Variants in KIF1A observed in about 807,000 individuals in gnomAD.
KIF1A encodes the protein kinesin-like protein KIF1A.
KIF1A carries 46 observed loss-of-function variants against 227.3 expected under a neutral mutation model. That is an observed-to-expected ratio of 0.20 (90% CI 0.16 to 0.26). KIF1A has a LOEUF of 0.26. Among genes scored for constraint, KIF1A ranks in the 10% least tolerant of loss-of-function variants. The pLI, the probability that KIF1A is intolerant of heterozygous loss-of-function variation, is 1.00. For synonymous variants in KIF1A, 1,022 were observed against 1,012.8 expected (o/e 1.01, Z -0.17); for missense variants, 1,683 against 2,485.9 (o/e 0.68, Z 6.87).
rs1454271542 is a variant in KIF1A at position 240,766,749 on chromosome 2, T to TCTCTCTCTCTCACA, written c.1684+165_1684+166insTGTGAGAGAGAGAG. Among the ~76,000 whole-genome samples the TCTCTCTCTCTCACA allele has an allele frequency of 6.2e-3, 671 of 108,944 alleles. 9 individuals carry two copies. The highest frequency in any genetic ancestry group is 0.018 in the African/African-American group (432 of 24,106). 71.5% of individuals were successfully genotyped at this position (108,944 alleles called of 152,430 possible). A position where few individuals can be genotyped will look rare whatever the true frequency, so the allele number is the denominator to read the frequency against. ...CTCTCTCTCTCTCTCTCTCTCTCTC[T>TCTCTCTCTCTCACA]CACACACACACACACACACACACAC... On this transcript the variant is annotated intron_variant, in intron 19 of 48. Coordinates refer to ENST00000498729, the MANE Select transcript of KIF1A (RefSeq NM_001244008.2). The surrounding 1 kb of genome is among the most constrained non-coding windows in gnomAD (Gnocchi z 5.0).
At position 240,758,604 on chromosome 2, in the gene KIF1A, C is replaced by A. The variant is rs997701623; in HGVS notation, c.2445-107G>T. The A allele has an allele frequency of 2.1e-5, 25 of 1,195,226 alleles. 2 individuals carry two copies. The South Asian group carries it at 4.5e-4, about 21-fold the overall frequency. The allele number at this position is 1,195,226 out of a possible 1,614,324, so 74.0% of individuals were successfully genotyped here. A position where few individuals can be genotyped will look rare whatever the true frequency, so the allele number is the denominator to read the frequency against. On this transcript the variant is annotated intron_variant, in intron 25 of 48. Transcript: ENST00000498729. The surrounding 1 kb of genome is among the most constrained non-coding windows in gnomAD (Gnocchi z 5.2). ...GTGGGCTCAGCCTAGCTCTGGCCACCACATCCAGCTCAGGGTCATCAAGGT... is the reference window on the plus strand; with the variant it reads ...GTGGGCTCAGCCTAGCTCTGGCCACAACATCCAGCTCAGGGTCATCAAGGT...
chr2:240,719,000 C>A lies in KIF1A; in HGVS notation c.5214+6G>T. The A allele has an allele frequency of 6.3e-7, 1 of 1,597,546 alleles. No homozygotes were observed. Among genetic ancestry groups the A allele is most frequent in the Non-Finnish European group, 8.6e-7 (1 of 1,168,166 alleles). The stretch of plus-strand genomic sequence containing the variant: ...GTGCCCGAGCCTGAGCCGGGCCCAG[C>A]CGCACCTTGAGCATAGCCTGCTGGT... On this transcript the variant is annotated splice_donor_region_variant and intron_variant, in intron 47 of 48. Coordinates refer to ENST00000498729, the MANE Select transcript of KIF1A (RefSeq NM_001244008.2).
chr2:240,737,102 A>T lies in KIF1A; in HGVS notation c.3968T>A (p.Ile1323Asn), dbSNP rs775566341. 9.9e-6 allele frequency: 16 copies of T among 1,613,440 alleles called. No homozygotes were observed. Among genetic ancestry groups the T allele is most frequent in the Non-Finnish European group, 1.7e-6 (2 of 1,179,654 alleles). The change falls in exon 38 of 49, where the codon ATC (isoleucine) becomes AAC (asparagine). Residue 1323 changes from isoleucine to asparagine, a missense_variant. Ile to Asn is a moderately radical substitution (Grantham distance 149). This residue lies in a region of KIF1A where 759 missense variants were observed against 1,020.2 expected (regional missense o/e 0.74). Transcript: ENST00000498729. ...LIDPNILSLN[I>N]LSSGYIHPAQ... The stretch of plus-strand genomic sequence containing the variant: ...TGGGTGGATGTATCCGGAAGAGAGG[A>T]TGTTGAGAGACAAGATGTTGGGGTC...
Position 240,750,412 on chromosome 2 carries a change from C to T in KIF1A, c.2977+17G>A, listed in dbSNP as rs1208428775. The T allele has an allele frequency of 1.3e-6, 2 of 1,595,752 alleles. No homozygotes were observed. The highest frequency in any genetic ancestry group is 2.2e-5 in the East Asian group (1 of 44,774). Reference sequence around the variant, plus strand: ...CAGGGGCTCCAATGCCACACACGGCCTTTGGCCCACACGCACCTGAGATGG... The same window carrying T: ...CAGGGGCTCCAATGCCACACACGGCTTTTGGCCCACACGCACCTGAGATGG... On this transcript the variant is annotated intron_variant, in intron 28 of 48. Transcript: ENST00000498729.
At position 240,722,445 on chromosome 2, in the gene KIF1A, G is replaced by A; in HGVS notation, c.4665+11C>T. 6.5e-7 allele frequency: 1 copy of A among 1,545,508 alleles called. No individual in the cohort carries two copies. The highest frequency in any genetic ancestry group is 8.7e-7 in the Non-Finnish European group (1 of 1,146,528). The stretch of plus-strand genomic sequence containing the variant: ...GGGGCTACGGCTGTACTGCCCACCA[G>A]CTGGACCCACCTTGACGGCCAGCTC... On this transcript the variant is annotated intron_variant, in intron 43 of 48. Coordinates refer to ENST00000498729, the MANE Select transcript of KIF1A (RefSeq NM_001244008.2).
chr2:240,721,085 C>T (rs577834811), intron 44 of KIF1A, 47 bp from the exon 45 acceptor site: 56 of 1,604,724 alleles, frequency 3.5e-5, no homozygotes, highest in Admixed American at 1.2e-4. Flanking sequence ...AGGGGGGTCT[C>T]CGGCCTCTGT....
rs567112935 is a variant in KIF1A at position 240,758,434 on chromosome 2, G to T, written c.2508C>A (p.Ile836=). 2 of 1,612,166 alleles carry T rather than the reference G, an allele frequency of 1.2e-6. No individual in the cohort carries two copies. Among genetic ancestry groups the T allele is most frequent in the Non-Finnish European group, 8.5e-7 (1 of 1,179,068 alleles). The change falls in exon 26 of 49, where the codon ATC becomes ATA. Residue 836 remains isoleucine, a synonymous_variant. Transcript: ENST00000498729. The surrounding 1 kb of genome is among the most constrained non-coding windows in gnomAD (Gnocchi z 5.2). Reference sequence around the variant, plus strand: ...CGGTCACCACGTTGTCACAGTCCTCGATGACACTGGAGGGCACCTCTGCAG... The same window carrying T: ...CGGTCACCACGTTGTCACAGTCCTCTATGACACTGGAGGGCACCTCTGCAG... ...DRAAEVPSSV[I]EDCDNVVTGG...
At position 240,766,878 on chromosome 2, in the gene KIF1A, G is replaced by A. The variant is rs777731903; in HGVS notation, c.1684+37C>T. Reference sequence around the variant, plus strand: ...TCAGGCCTGATCATCACGGCACAGGGGCATGGGTGCGGGTAGGGACGGTAG... The same window carrying A: ...TCAGGCCTGATCATCACGGCACAGGAGCATGGGTGCGGGTAGGGACGGTAG... On this transcript the variant is annotated intron_variant, in intron 19 of 48. Transcript: ENST00000498729. This position sits in a 1 kb window ranked among gnomAD's most constrained non-coding sequence, Gnocchi z 5.0. 16 of 1,439,252 alleles carry A rather than the reference G, an allele frequency of 1.1e-5. No homozygotes were observed. Among genetic ancestry groups the A allele is most frequent in the Non-Finnish European group, 1.4e-5 (15 of 1,037,456 alleles). 89.2% of individuals were successfully genotyped at this position (1,439,252 alleles called of 1,614,324 possible).
At position 240,778,379 on chromosome 2, in the gene KIF1A, G is replaced by A. The variant is rs977817823; in HGVS notation, c.883-2453C>T. 6.6e-6 allele frequency among the ~76,000 whole-genome samples: 1 copy of A among 151,758 alleles called. No individual in the cohort carries two copies. The highest frequency in any genetic ancestry group is 1.5e-5 in the Non-Finnish European group (1 of 67,958). ...CCGTCCCTGACACACTCGCTCTCAC[G>A]GTTCCTCACAGCTCCAGAGAAACTT... is the stretch of plus-strand genomic sequence containing the variant. On this transcript the variant is annotated intron_variant, in intron 10 of 48. Transcript: ENST00000498729. This position sits in a 1 kb window ranked among gnomAD's most constrained non-coding sequence, Gnocchi z 7.2.
At chr2:240,784,333 A>G (rs1051778384) in intron 7 of KIF1A, among the ~76,000 whole-genome samples, 2 of 152,200 alleles carry the variant, frequency 1.3e-5, no homozygotes, top group Non-Finnish European at 2.9e-5. Flanking sequence ...CTCCTGAGCC[A>G]TAGCTACAGG....
In KIF1A at chr2:240,769,212, G is replaced by C. The variant is rs1232884429; in HGVS notation, c.1422-4C>G. 6.2e-7 allele frequency: 1 copy of C among 1,606,220 alleles called. No individual in the cohort carries two copies. Among genetic ancestry groups the C allele is most frequent in the Non-Finnish European group, 8.5e-7 (1 of 1,176,850 alleles). ...CATCTCGGCCAGCAGGGCTTCCCTG[G>C]GGGAACAGAGCTGAGGTCAGCACAA... On this transcript the variant is annotated splice_region_variant and splice_polypyrimidine_tract_variant and intron_variant, in intron 16 of 48. Transcript: ENST00000498729.
intron 24 of KIF1A, among the ~76,000 whole-genome samples, 180 bp from the exon 25 acceptor site, chr2:240,761,023 G>A (rs1024392410): frequency 6.6e-5 from 10 of 152,228 alleles, no homozygotes; most frequent in Middle Eastern, 3.4e-3. Context: ...CCCGGCCGCC[G>A]TCTCCCGTGA....
At chr2:240,807,130 G>GTGTGTATATATATATATATATATA (rs1356399506) in intron 1 of KIF1A, among the ~76,000 whole-genome samples, 3 of 119,492 alleles carry the variant, frequency 2.5e-5, no homozygotes, top group South Asian at 3.1e-4. Flanking sequence ...GTGTGTGTGT[G>GTGTGTATATATATATATATATATA]TATATATATA....
At chr2:240,772,222 T>C (rs1416351752) in intron 14 of KIF1A, among the ~76,000 whole-genome samples, 1 of 152,190 alleles carries the variant, frequency 6.6e-6, no homozygotes, top group Non-Finnish European at 1.5e-5. Context: ...GCTGATATCC[T>C]GACCTTCGCA....
At position 240,758,613 on chromosome 2, in the gene KIF1A, C is replaced by T; in HGVS notation, c.2445-116G>A. 2 of 1,113,550 alleles carry T rather than the reference C, an allele frequency of 1.8e-6. No individual in the cohort carries two copies. The highest frequency in any genetic ancestry group is 1.2e-6 in the Non-Finnish European group (1 of 833,892). The allele number at this position is 1,113,550 out of a possible 1,614,324, so 69.0% of individuals were successfully genotyped here. ...GCCTAGCTCTGGCCACCACATCCAGCTCAGGGTCATCAAGGTCCAGGGGGC... is the reference window on the plus strand; with the variant it reads ...GCCTAGCTCTGGCCACCACATCCAGTTCAGGGTCATCAAGGTCCAGGGGGC... On this transcript the variant is annotated intron_variant, in intron 25 of 48. Transcript: ENST00000498729. This position sits in a 1 kb window ranked among gnomAD's most constrained non-coding sequence, Gnocchi z 5.2.
At chr2:240,734,617 A>C in intron 38 of KIF1A, 4 of 754,762 alleles carry the variant, frequency 5.3e-6, no homozygotes, top group Non-Finnish European at 8.2e-6. Context: ...AGGAAGCTGG[A>C]AGTTAACTTC....
chr2:240,787,745 C>A (rs1188600281), intron 4 of KIF1A, among the ~76,000 whole-genome samples: 2 of 152,304 alleles, frequency 1.3e-5, no homozygotes, highest in African/African-American at 4.8e-5. Context: ...ACACTGCCAG[C>A]CCTCACACCT....
intron 1 of KIF1A, among the ~76,000 whole-genome samples, chr2:240,798,319 GA>G (rs2126151898): frequency 6.6e-6 from 1 of 152,390 alleles, no homozygotes; most frequent in South Asian, 2.1e-4. Context: ...GAATTAGCAA[GA>G]AAGAACTTTA....
At chr2:240,779,565 CTCAGTTCCTCAG>C (rs1559521129) in intron 10 of KIF1A, among the ~76,000 whole-genome samples, 5 of 151,240 alleles carry the variant, frequency 3.3e-5, no homozygotes, top group African/African-American at 1.2e-4. Context: ...CAGTTCCTCA[CTCAGTTCCTCAG>C]TTCCTCACTC....
Sources: allele counts gnomAD v4.1 joint callset (sites outside exome capture counted in the v4.1 genomes callset), GRCh38; gene constraint gnomAD v4.1.1; regional missense constraint gnomAD v4.1.1; non-coding constraint Gnocchi (gnomAD v3.1); transcripts MANE v1.5; gene names NCBI Gene and HGNC (gene_info 2026-07-23, HGNC 2026-07-21).